Variants in CASP6 observed in about 807,000 individuals in gnomAD.
CASP6 encodes the protein caspase 6.
Under a neutral mutation model 31.8 loss-of-function variants are expected in CASP6, and 20 were observed. The observed-to-expected ratio is 0.63, with a 90% CI of 0.44 to 0.91. CASP6 has a LOEUF of 0.91. Ranked by LOEUF, CASP6 falls within the 40% of genes least tolerant of loss-of-function variation. The pLI is 0.00. For missense variants in CASP6, 328 were observed against 361.1 expected (o/e 0.91, Z 0.74); for synonymous variants, 130 against 127.8 (o/e 1.02, Z -0.12).
At chr4:109,685,210 T>A, downstream of CASP6, 1 of 850,392 alleles carries the variant, frequency 1.2e-6, no homozygotes, top group Non-Finnish European at 2.0e-6. Flanking sequence ...TTATGTTCAT[T>A]CAAAACATGT....
upstream of CASP6, among the ~76,000 whole-genome samples, chr4:109,704,690 T>C (rs146131372): frequency 4.6e-5 from 7 of 152,352 alleles, no homozygotes; most frequent in East Asian, 9.6e-4. Flanking sequence ...GCTAAAATCA[T>C]TGATAAAGGC....
the CASP6 span, among the ~76,000 whole-genome samples, chr4:109,682,254 C>A: frequency 6.6e-6 from 1 of 151,742 alleles, no homozygotes; most frequent in Non-Finnish European, 1.5e-5. Flanking sequence ...GAGAGCCTTT[C>A]TTGTAGCTGC....
At chr4:109,688,302 T>TGTTA (rs1411824370), downstream of CASP6, 1 of 152,358 alleles carries the variant, frequency 6.6e-6, no homozygotes, top group African/African-American at 2.4e-5. Context: ...AAGTAACATC[T>TGTTA]GTTATTCTAT....
intron 6 of CASP6, among the ~76,000 whole-genome samples, chr4:109,689,947 G>C (rs2126155467): frequency 6.6e-6 from 1 of 152,264 alleles, no homozygotes; most frequent in Middle Eastern, 3.4e-3. Flanking sequence ...CACTTTGGGA[G>C]GCTGAGGCAG....
chr4:109,683,720 G>T (rs1218961358), downstream of CASP6, among the ~76,000 whole-genome samples: 1 of 152,118 alleles, frequency 6.6e-6, no homozygotes, highest in Non-Finnish European at 1.5e-5. Flanking sequence ...ATCTTGATGG[G>T]CATATGGATT....
At chr4:109,690,085 T>C (rs1729989070) in intron 6 of CASP6, among the ~76,000 whole-genome samples, 1 of 150,380 alleles carries the variant, frequency 6.6e-6, no homozygotes, top group East Asian at 2.0e-4. Flanking sequence ...CTCGGGAGGC[T>C]GAGGTAGGAG....
At chr4:109,677,802 ATTTTTTTTTTT>A in the CASP6 span, among the ~76,000 whole-genome samples, 1 of 86,588 alleles carries the variant, frequency 1.2e-5, no homozygotes, top group African/African-American at 4.7e-5. Context: ...AAGGAAACAA[ATTTTTTTTTTT>A]TTTTTTTTTT....
At chr4:109,670,822 G>A in the CASP6 span, among the ~76,000 whole-genome samples, 1 of 151,848 alleles carries the variant, frequency 6.6e-6, no homozygotes, top group Non-Finnish European at 1.5e-5. Flanking sequence ...TTTTTCTTCA[G>A]TTTTCACTGT....
intron 1 of CASP6, among the ~76,000 whole-genome samples, chr4:109,702,163 G>A (rs1414127567): frequency 6.6e-6 from 1 of 152,180 alleles, no homozygotes; most frequent in African/African-American, 2.4e-5. Flanking sequence ...CCTAGAGACT[G>A]CAACTGGACC....
At chr4:109,702,444 C>T (rs1249316330) in intron 1 of CASP6, among the ~76,000 whole-genome samples, 1 of 151,672 alleles carries the variant, frequency 6.6e-6, no homozygotes, top group East Asian at 1.9e-4. Flanking sequence ...ATTCTCTTGT[C>T]TCAGCCTCCC....
the CASP6 span, among the ~76,000 whole-genome samples, chr4:109,670,046 A>G: frequency 6.6e-6 from 1 of 152,146 alleles, no homozygotes; most frequent in African/African-American, 2.4e-5. Context: ...TGTCTGTTCA[A>G]ACTGTGTTTT....
At chr4:109,665,645 C>G in the CASP6 span, among the ~76,000 whole-genome samples, 1 of 152,028 alleles carries the variant, frequency 6.6e-6, no homozygotes, top group Non-Finnish European at 1.5e-5. Context: ...GGTTGTTATA[C>G]TATATTGTTT....
the CASP6 span, among the ~76,000 whole-genome samples, chr4:109,674,925 T>G: frequency 2.6e-5 from 4 of 152,242 alleles, no homozygotes; most frequent in African/African-American, 9.6e-5. Flanking sequence ...ATAACGGATT[T>G]GATTAATGAC....
chr4:109,682,795 G>C, the CASP6 span: 4 of 1,388,924 alleles, frequency 2.9e-6, no homozygotes, highest in Admixed American at 4.0e-5. Context: ...AGTGTTTATT[G>C]AGTGCTCCTC....
At chr4:109,708,699 A>T in the CASP6 span, among the ~76,000 whole-genome samples, 1 of 152,342 alleles carries the variant, frequency 6.6e-6, no homozygotes, top group Admixed American at 6.5e-5. Flanking sequence ...TTTTTTCTCC[A>T]TAAGTATCTT....
chr4:109,694,016 G>A lies in CASP6; in HGVS notation c.483+509C>T, dbSNP rs186426992. Among the ~76,000 whole-genome samples the A allele has an allele frequency of 4.3e-3, 647 of 152,234 alleles. 6 individuals carry two copies. Among genetic ancestry groups the A allele is most frequent in the Middle Eastern group, 0.014 (4 of 294 alleles). ...CCCAAAGTGCTGGGATTACAGGTGT[G>A]AGCCATCACGCCTGTAAAAAATACT... On this transcript the variant is annotated intron_variant, in intron 5 of 6. Transcript: ENST00000265164.
At chr4:109,675,446 A>G in the CASP6 span, among the ~76,000 whole-genome samples, 1 of 152,220 alleles carries the variant, frequency 6.6e-6, no homozygotes, top group Admixed American at 6.5e-5. Flanking sequence ...CAACATTTGC[A>G]TAGTTTCTCA....
chr4:109,689,410 T>C lies in CASP6; in HGVS notation c.802A>G (p.Ser268Gly), dbSNP rs759651181. Reference protein sequence around the residue: ...QRRVDFCKDPSAIGKKQVPCF... With the variant: ...QRRVDFCKDPGAIGKKQVPCF... ...GGAACCTGCTTCTTTCCAATTGCAC[T>C]TGGGTCTTTGCAAAAGTCCACTCGG... Residue 268 changes from serine to glycine, a missense_variant, in exon 7 of 7, where the codon AGT becomes GGT. Ser to Gly is a moderately conservative substitution (Grantham distance 56, BLOSUM62 0). Coordinates refer to ENST00000265164, the MANE Select transcript of CASP6 (RefSeq NM_001226.4). 1.9e-5 allele frequency: 31 copies of C among 1,614,138 alleles called. No homozygotes were observed. The East Asian group carries it at 6.7e-4, about 35-fold the overall frequency.
chr4:109,703,273 G>T (rs2126162404), intron 1 of CASP6, 83 bp downstream of exon 1: 1 of 1,487,276 alleles, frequency 6.7e-7, no homozygotes, highest in East Asian at 2.5e-5. Context: ...CGGTCCGCGC[G>T]CCCGGTCCAC....
Sources: allele counts gnomAD v4.1 joint callset (sites outside exome capture counted in the v4.1 genomes callset), GRCh38; gene constraint gnomAD v4.1.1; transcripts MANE v1.5; gene names NCBI Gene and HGNC (gene_info 2026-07-23, HGNC 2026-07-21).